WWTR1: variants seen among roughly 807,000 people sequenced by gnomAD.
The protein encoded by WWTR1 is WW domain-containing transcription regulator protein 1.
In WWTR1, 13 loss-of-function variants were observed where a neutral mutation model predicts 40.1. The ratio of observed to expected loss-of-function variants is 0.32; its 90% CI spans 0.21 to 0.52. The LOEUF (loss-of-function observed/expected upper bound fraction) is 0.52, where lower values mean the gene tolerates loss of function less well. WWTR1 is among the 20% of genes least tolerant of loss of function. The probability of loss-of-function intolerance (pLI) is 0.97; values close to 1 mark genes in which losing one functional copy is unlikely to be tolerated. For missense variants in WWTR1, 436 were observed against 523.1 expected (o/e 0.83, Z 1.63); for synonymous variants, 230 against 210.1 (o/e 1.09, Z -0.82).
intron 2 of WWTR1, among the ~76,000 whole-genome samples, chr3:149,628,061 G>A (rs76066764): frequency 2.0e-4 from 23 of 116,912 alleles, no homozygotes; most frequent in Non-Finnish European, 3.6e-4. Context: ...CAACAAGAGC[G>A]AAACTCCGTC....
At chr3:149,685,968 T>C (rs1414241144) in intron 1 of WWTR1, among the ~76,000 whole-genome samples, 1 of 152,220 alleles carries the variant, frequency 6.6e-6, no homozygotes, top group African/African-American at 2.4e-5. Context: ...TATTGTCACT[T>C]CTTGCTTAAA....
chr3:149,538,633 C>A (rs559110529), intron 4 of WWTR1, among the ~76,000 whole-genome samples: 7 of 152,212 alleles, frequency 4.6e-5, no homozygotes, highest in Non-Finnish European at 1.0e-4. Context: ...AGATACCAAA[C>A]CTTACTGGCT....
intron 4 of WWTR1, among the ~76,000 whole-genome samples, chr3:149,723,139 G>GAA (rs1049528857): frequency 5.3e-5 from 8 of 149,776 alleles, no homozygotes; most frequent in Non-Finnish European, 1.0e-4. Flanking sequence ...TGGTAACTCT[G>GAA]AAAATCAGTG....
At chr3:149,565,588 T>A (rs1250299298) in intron 3 of WWTR1, among the ~76,000 whole-genome samples, 6 of 152,138 alleles carry the variant, frequency 3.9e-5, no homozygotes, top group Non-Finnish European at 5.9e-5. Flanking sequence ...ATTTCACATA[T>A]TCCTTAAAAA....
intron 2 of WWTR1, among the ~76,000 whole-genome samples, chr3:149,635,627 G>C (rs1446703795): frequency 6.6e-6 from 1 of 151,654 alleles, no homozygotes; most frequent in Non-Finnish European, 1.5e-5. Flanking sequence ...GGAGGAAGGA[G>C]AAAGGAGGAA....
At chr3:149,603,251 A>T (rs1468660252) in intron 2 of WWTR1, among the ~76,000 whole-genome samples, 4 of 152,150 alleles carry the variant, frequency 2.6e-5, no homozygotes, top group African/African-American at 4.8e-5. Flanking sequence ...TCAATCAAGG[A>T]ACCAGATTCT....
chr3:149,630,854 A>G (rs1409543255), intron 2 of WWTR1, among the ~76,000 whole-genome samples: 1 of 152,222 alleles, frequency 6.6e-6, no homozygotes, highest in Non-Finnish European at 1.5e-5. Flanking sequence ...ATTTAGATGT[A>G]GCAAACTAAA....
upstream of WWTR1, among the ~76,000 whole-genome samples, chr3:149,660,708 G>C (rs1713530472): frequency 6.6e-6 from 1 of 152,180 alleles, no homozygotes; most frequent in Non-Finnish European, 1.5e-5. Flanking sequence ...CTATTCTTGG[G>C]TTTCCTCCTT....
intron 3 of WWTR1, among the ~76,000 whole-genome samples, chr3:149,562,574 C>CT (rs36042645): frequency 5.6e-5 from 8 of 143,382 alleles, no homozygotes; most frequent in African/African-American, 7.7e-5. Flanking sequence ...TGTTTAGAAC[C>CT]TTTTTTTTTT....
chr3:149,654,622 A>G (rs1263115700), intron 2 of WWTR1, among the ~76,000 whole-genome samples: 10 of 152,126 alleles, frequency 6.6e-5, no homozygotes, highest in Admixed American at 6.5e-4. Flanking sequence ...GCCCTTGTTC[A>G]CAGGCAGTTC....
At chr3:149,686,535 C>T (rs779397602) in intron 1 of WWTR1, among the ~76,000 whole-genome samples, 1 of 152,118 alleles carries the variant, frequency 6.6e-6, no homozygotes, top group Non-Finnish European at 1.5e-5. Flanking sequence ...CACCATCTCT[C>T]TCTATATATA....
chr3:149,710,790 G>T (rs1715460961), intron 5 of WWTR1, among the ~76,000 whole-genome samples: 2 of 151,684 alleles, frequency 1.3e-5, no homozygotes, highest in Admixed American at 1.3e-4. Flanking sequence ...TGTTGGTCAG[G>T]CTGGTCTGGA....
At chr3:149,648,320 C>T (rs1315997851) in intron 2 of WWTR1, among the ~76,000 whole-genome samples, 1 of 152,166 alleles carries the variant, frequency 6.6e-6, no homozygotes, top group Non-Finnish European at 1.5e-5. Context: ...GGATTCCTTT[C>T]GAACACCTAC....
chr3:149,717,597 C>G (rs143718466), intron 4 of WWTR1: 2 of 152,266 alleles, frequency 1.3e-5, no homozygotes, highest in African/African-American at 4.8e-5. Context: ...ATTTGTGTCT[C>G]TGAGAAAGTG....
chr3:149,522,931 TGGC>T (rs1735125513), intron 6 of WWTR1, among the ~76,000 whole-genome samples: 1 of 151,888 alleles, frequency 6.6e-6, no homozygotes, highest in South Asian at 2.1e-4. Flanking sequence ...CCAGGCATGG[TGGC>T]GCACCCCTGT....
rs149091978 is a variant in WWTR1, at chr3:149,569,211, C to T, written c.568+3653G>A. 1.5e-4 allele frequency among the ~76,000 whole-genome samples: 23 copies of T among 152,208 alleles called. No individual in the cohort carries two copies. In the East Asian group the frequency reaches 4.0e-3, roughly 27 times the overall value. On this transcript the variant is annotated intron_variant, in intron 3 of 6. Coordinates refer to ENST00000360632, the MANE Select transcript of WWTR1 (RefSeq NM_015472.6). ...AATTTAAAACACTTTGCAATCTAAC[C>T]AGCCCAAAATAAATCATTTTTATTC...
At chr3:149,586,176 A>G (rs1482377366) in intron 2 of WWTR1, among the ~76,000 whole-genome samples, 1 of 152,228 alleles carries the variant, frequency 6.6e-6, no homozygotes, top group African/African-American at 2.4e-5. Flanking sequence ...ATTTGTGCGT[A>G]TATAACTTTT....
chr3:149,701,099 C>A (rs938159469), intron 1 of WWTR1, among the ~76,000 whole-genome samples: 7 of 152,170 alleles, frequency 4.6e-5, no homozygotes, highest in African/African-American at 1.4e-4. Flanking sequence ...TGATGATTTT[C>A]AATCTCTTCT....
chr3:149,520,706 G>A lies in WWTR1; in HGVS notation c.*99C>T. On this transcript the variant is annotated 3_prime_UTR_variant, in exon 7 of 7. Coordinates refer to ENST00000360632, the MANE Select transcript of WWTR1 (RefSeq NM_015472.6). ...GGAGGGAGCACGAGTCATGGAGGCGGGAAGTGGTGCACCTGCAGACTTGCT... is the reference window on the plus strand; with the variant it reads ...GGAGGGAGCACGAGTCATGGAGGCGAGAAGTGGTGCACCTGCAGACTTGCT... The A allele has an allele frequency of 8.6e-7, 1 of 1,157,326 alleles. No homozygotes were observed. Among genetic ancestry groups the A allele is most frequent in the Non-Finnish European group, 1.2e-6 (1 of 863,550 alleles). The allele number at this position is 1,157,326 out of a possible 1,614,324, so 71.7% of individuals were successfully genotyped here.
Sources: gnomAD v4.1 joint callset for allele counts (sites outside exome capture counted in the v4.1 genomes callset) on GRCh38, gnomAD v4.1.1 for gene constraint, MANE v1.5 for transcripts, NCBI Gene and HGNC (gene_info 2026-07-23, HGNC 2026-07-21) for gene names.